PRKCH: variants seen among roughly 807,000 people sequenced by gnomAD.
PRKCH encodes protein kinase C eta type.
Under a neutral mutation model 82.5 loss-of-function variants are expected in PRKCH, and 28 were observed. That is an observed-to-expected ratio of 0.34 (90% confidence interval 0.25 to 0.47). The LOEUF (loss-of-function observed/expected upper bound fraction) is 0.47, where lower values mean the gene tolerates loss of function less well. PRKCH is among the 20% of genes least tolerant of loss of function. The pLI, the probability that PRKCH is intolerant of heterozygous loss-of-function variation, is 1.00. For missense variants in PRKCH, 705 were observed against 881.8 expected, an observed-to-expected ratio of 0.80 and a Z score of 2.54; for synonymous variants, 322 against 327.4, an observed-to-expected ratio of 0.98 and a Z score of 0.18.
chr14:61,280,997 G>A lies in PRKCH; in HGVS notation c.-19+93329G>A, dbSNP rs1426420701. On this transcript the variant is annotated intron_variant, in intron 1 of 3. Transcript: ENST00000555185. The surrounding 1 kb of genome is among the most constrained non-coding windows in gnomAD (Gnocchi z 5.0). Reference sequence around the variant, plus strand: ...CCGTTGGAGGAGTAGTAGAGGCCCAGGCCCAGGCCGATGAAGGCCAGGCCC... The same window carrying A: ...CCGTTGGAGGAGTAGTAGAGGCCCAAGCCCAGGCCGATGAAGGCCAGGCCC... 1 of 1,540,522 alleles carries A rather than the reference G, an allele frequency of 6.5e-7. No homozygotes were observed. Among genetic ancestry groups the A allele is most frequent in the African/African-American group, 1.4e-5 (1 of 72,234 alleles).
At chr14:61,366,689 G>A (rs1209260122) in intron 1 of PRKCH, among the ~76,000 whole-genome samples, 2 of 152,094 alleles carry the variant, frequency 1.3e-5, no homozygotes, top group African/African-American at 2.4e-5. Context: ...AAGGAAGCTT[G>A]TAGCCAGCCC....
At chr14:61,189,331 T>C (rs2044391980) in intron 1 of PRKCH, among the ~76,000 whole-genome samples, 1 of 152,170 alleles carries the variant, frequency 6.6e-6, no homozygotes, top group Non-Finnish European at 1.5e-5. Flanking sequence ...AGTCCATAAT[T>C]TTCTTCTTGC....
intron 1 of PRKCH, among the ~76,000 whole-genome samples, chr14:61,288,172 A>G (rs569092485): frequency 8.0e-4 from 122 of 152,238 alleles, no homozygotes; most frequent in Non-Finnish European, 1.5e-3. Flanking sequence ...GTCTTTCCCT[A>G]TGTGATATCA....
chr14:61,249,406 G>A (rs144698519), intron 1 of PRKCH, among the ~76,000 whole-genome samples: 23 of 151,502 alleles, frequency 1.5e-4, no homozygotes, highest in Admixed American at 4.6e-4. Flanking sequence ...TGTCTGTTTT[G>A]TACACACTCA....
At chr14:61,363,729 A>G (rs552119992) in intron 1 of PRKCH, among the ~76,000 whole-genome samples, 1 of 151,830 alleles carries the variant, frequency 6.6e-6, no homozygotes, top group African/African-American at 2.4e-5. Context: ...TTGGTGCCCA[A>G]AGAGAACTCT....
intron 1 of PRKCH, among the ~76,000 whole-genome samples, chr14:61,324,287 A>T (rs1192484011): frequency 6.6e-6 from 1 of 152,190 alleles, no homozygotes; most frequent in Non-Finnish European, 1.5e-5. Context: ...TGTAAATCAG[A>T]TATCGATATT....
intron 8 of PRKCH, 77 bp downstream of exon 8, chr14:61,457,396 T>G: frequency 6.3e-7 from 1 of 1,588,064 alleles, no homozygotes; most frequent in Non-Finnish European, 8.6e-7. Flanking sequence ...TGTGCACGCA[T>G]GCGCACATAC....
intron 1 of PRKCH, among the ~76,000 whole-genome samples, chr14:61,209,622 T>G (rs1477426876): frequency 6.6e-6 from 1 of 152,272 alleles, no homozygotes; most frequent in Admixed American, 6.5e-5. Context: ...GATCATATGA[T>G]CCAACAGTTT....
chr14:61,546,526 T>G (rs1230221553), intron 12 of PRKCH, among the ~76,000 whole-genome samples: 1 of 152,356 alleles, frequency 6.6e-6, no homozygotes, highest in South Asian at 2.1e-4. Flanking sequence ...TTCAACATTA[T>G]CATTTTCATT....
chr14:61,219,475 A>G (rs894128246), intron 1 of PRKCH, among the ~76,000 whole-genome samples: 1 of 152,066 alleles, frequency 6.6e-6, no homozygotes, highest in African/African-American at 2.4e-5. Context: ...TTGGTTCATG[A>G]TTTCTCTTTA....
rs753884660 is a variant in PRKCH, at chr14:61,280,956, C to G, written c.-19+93288C>G. ...TGCCCGGGTCGCCTGTATAGTCGTACTCCAGCTCCTTGATGCCGTTGGAGG... is the reference window on the plus strand; with the variant it reads ...TGCCCGGGTCGCCTGTATAGTCGTAGTCCAGCTCCTTGATGCCGTTGGAGG... On this transcript the variant is annotated intron_variant, in intron 1 of 3. Coordinates refer to the PRKCH transcript ENST00000555185. The surrounding 1 kb of genome is among the most constrained non-coding windows in gnomAD (Gnocchi z 5.0). The G allele has an allele frequency of 2.6e-6, 4 of 1,543,168 alleles. No homozygotes were observed. Among genetic ancestry groups the G allele is most frequent in the Non-Finnish European group, 2.6e-6 (3 of 1,147,676 alleles).
At chr14:61,368,274 TCTTC>T (rs2046322843) in intron 1 of PRKCH, among the ~76,000 whole-genome samples, 1 of 151,238 alleles carries the variant, frequency 6.6e-6, no homozygotes, top group Admixed American at 6.6e-5. Flanking sequence ...ACCCTTCACC[TCTTC>T]TCTGGCTATT....
chr14:61,431,873 T>C (rs1397705056), intron 2 of PRKCH, among the ~76,000 whole-genome samples: 4 of 152,342 alleles, frequency 2.6e-5, no homozygotes, highest in African/African-American at 9.6e-5. Context: ...TGGCTAGTAT[T>C]TGCCCTGCTT....
At chr14:61,422,450 A>G (rs1179570064) in intron 2 of PRKCH, among the ~76,000 whole-genome samples, 1 of 152,166 alleles carries the variant, frequency 6.6e-6, no homozygotes, top group Non-Finnish European at 1.5e-5. Context: ...GCACCTTTCT[A>G]GAATATATCC....
chr14:61,195,924 C>T (rs997869646), intron 1 of PRKCH, among the ~76,000 whole-genome samples: 2 of 152,072 alleles, frequency 1.3e-5, no homozygotes, highest in South Asian at 2.1e-4. Context: ...GTTAGGGCTT[C>T]GGCATATAAA....
At chr14:61,218,361 G>A (rs1181280816) in intron 1 of PRKCH, among the ~76,000 whole-genome samples, 6 of 152,170 alleles carry the variant, frequency 3.9e-5, no homozygotes, top group African/African-American at 1.4e-4. Flanking sequence ...AAGCAAACAA[G>A]AAACGGAAGC....
chr14:61,218,703 T>C (rs2044633534), intron 1 of PRKCH, among the ~76,000 whole-genome samples: 2 of 152,138 alleles, frequency 1.3e-5, no homozygotes, highest in Admixed American at 1.3e-4. Context: ...AGGGGGAAAA[T>C]GTGAGCTTGT....
At chr14:61,533,606 G>A (rs1446482096) in intron 12 of PRKCH, among the ~76,000 whole-genome samples, 1 of 152,176 alleles carries the variant, frequency 6.6e-6, no homozygotes, top group East Asian at 1.9e-4. Flanking sequence ...TGTGACCTTG[G>A]GCAAATGGCA....
intron 1 of PRKCH, among the ~76,000 whole-genome samples, chr14:61,287,639 G>T (rs1330667286): frequency 6.6e-6 from 1 of 152,118 alleles, no homozygotes; most frequent in Non-Finnish European, 1.5e-5. Context: ...TAACCTGGGA[G>T]GTGGAGGTTT....
Sources: gnomAD v4.1 joint callset for allele counts (sites outside exome capture counted in the v4.1 genomes callset) on GRCh38, gnomAD v4.1.1 for gene constraint, Gnocchi (gnomAD v3.1) non-coding constraint, MANE v1.5 for transcripts, NCBI Gene and HGNC (gene_info 2026-07-23, HGNC 2026-07-21) for gene names.